Variants in DPH6 observed in about 807,000 individuals in gnomAD.
DPH6 encodes the protein diphthamine biosynthesis 6.
Under a neutral mutation model 38.2 loss-of-function variants are expected in DPH6, and 33 were observed. That is an observed-to-expected ratio of 0.86 (90% CI 0.65 to 1.15). The LOEUF (loss-of-function observed/expected upper bound fraction) is 1.15, where lower values mean the gene tolerates loss of function less well. Among genes scored for constraint, DPH6 ranks in the 50% most tolerant of loss-of-function variants. The pLI, the probability that DPH6 is intolerant of heterozygous loss-of-function variation, is 0.00. For missense variants in DPH6, 325 were observed against 320.0 expected (o/e 1.02, Z -0.12); for synonymous variants, 108 against 103.0 (o/e 1.05, Z -0.30).
chr15:35,544,827 T>G (rs554989955), intron 1 of DPH6, among the ~76,000 whole-genome samples: 1 of 152,210 alleles, frequency 6.6e-6, no homozygotes, highest in East Asian at 1.9e-4. Flanking sequence ...TTCTAAGTCT[T>G]TGTTTGTTGT....
downstream of DPH6, among the ~76,000 whole-genome samples, chr15:35,216,611 G>A (rs1191819015): frequency 6.6e-6 from 1 of 152,092 alleles, no homozygotes; most frequent in African/African-American, 2.4e-5. Context: ...ACTAATTATG[G>A]TCATTTACTT....
At chr15:35,412,044 G>C (rs1469807490) in intron 5 of DPH6, among the ~76,000 whole-genome samples, 1 of 151,584 alleles carries the variant, frequency 6.6e-6, no homozygotes, top group African/African-American at 2.4e-5. Flanking sequence ...CTCTGTGAAA[G>C]ATAATGTAAA....
the DPH6 span, among the ~76,000 whole-genome samples, chr15:35,196,501 G>C: frequency 6.6e-6 from 1 of 152,104 alleles, no homozygotes; most frequent in Non-Finnish European, 1.5e-5. Context: ...AAGTATGCTG[G>C]GAGAAGAGAT....
At chr15:35,225,969 G>A (rs2051477867) in intron 3 of DPH6, among the ~76,000 whole-genome samples, 1 of 152,046 alleles carries the variant, frequency 6.6e-6, no homozygotes, top group African/African-American at 2.4e-5. Flanking sequence ...ATTTATTGCT[G>A]GGCATGGTGG....
At chr15:35,539,174 A>G (rs1184725276) in intron 2 of DPH6, among the ~76,000 whole-genome samples, 2 of 152,052 alleles carry the variant, frequency 1.3e-5, no homozygotes, top group Admixed American at 1.3e-4. Context: ...ATGAACTTAG[A>G]AATATACTGG....
intron 3 of DPH6, among the ~76,000 whole-genome samples, chr15:35,290,391 C>A (rs2051972443): frequency 6.6e-6 from 1 of 152,210 alleles, no homozygotes; most frequent in Admixed American, 6.5e-5. Flanking sequence ...TGAACCAGGG[C>A]AGGCAGACAC....
intron 7 of DPH6, among the ~76,000 whole-genome samples, chr15:35,377,283 T>C (rs2052794140): frequency 6.6e-6 from 1 of 152,034 alleles, no homozygotes; most frequent in Non-Finnish European, 1.5e-5. Context: ...AGGATTTGGT[T>C]CTTCCTTTCT....
In DPH6 at chr15:35,456,270, TTGC is replaced by T. The variant is rs528446084; in HGVS notation, c.313-1453_313-1451del. On this transcript the variant is annotated intron_variant, in intron 3 of 8. Transcript: ENST00000256538. ...AATGTAAATACAGTATAGATCAGAG[TTGC>T]TGAATAATGTTATCAAAATTTTAGT... Among the ~76,000 whole-genome samples, 212 of 151,970 alleles carry T rather than the reference TTGC, an allele frequency of 1.4e-3. 1 individual carries two copies. Among genetic ancestry groups the T allele is most frequent in the African/African-American group, 4.7e-3 (194 of 41,472 alleles).
At chr15:35,328,169 A>T (rs1014115038), downstream of DPH6, among the ~76,000 whole-genome samples, 1 of 152,158 alleles carries the variant, frequency 6.6e-6, no homozygotes, top group Non-Finnish European at 1.5e-5. Flanking sequence ...AGAGTCTATC[A>T]TAGCCTCTAC....
At chr15:35,172,338 T>C in the DPH6 span, among the ~76,000 whole-genome samples, 2 of 152,232 alleles carry the variant, frequency 1.3e-5, no homozygotes, top group African/African-American at 4.8e-5. Context: ...GCAATCATTT[T>C]CTTACACTTA....
At chr15:35,180,187 C>T in the DPH6 span, among the ~76,000 whole-genome samples, 9 of 151,754 alleles carry the variant, frequency 5.9e-5, no homozygotes, top group African/African-American at 2.2e-4. Flanking sequence ...ATATACATTA[C>T]TATACTCTGA....
chr15:35,257,100 C>T (rs2051713638), intron 3 of DPH6, among the ~76,000 whole-genome samples: 1 of 152,094 alleles, frequency 6.6e-6, no homozygotes, highest in South Asian at 2.1e-4. Flanking sequence ...GCCATCAATA[C>T]TGGGCATTAT....
intron 3 of DPH6, among the ~76,000 whole-genome samples, chr15:35,308,062 A>G (rs1291272854): frequency 6.6e-6 from 1 of 152,120 alleles, no homozygotes; most frequent in East Asian, 1.9e-4. Context: ...GCTTGAGGCC[A>G]GGAGTTCAAA....
At chr15:35,432,109 C>A (rs568084656) in intron 5 of DPH6, among the ~76,000 whole-genome samples, 1 of 152,056 alleles carries the variant, frequency 6.6e-6, no homozygotes, top group African/African-American at 2.4e-5. Context: ...TGGTAGAGAA[C>A]CACTGATGTA....
At chr15:35,336,915 G>GT (rs1338339978) in intron 3 of DPH6, among the ~76,000 whole-genome samples, 1 of 151,886 alleles carries the variant, frequency 6.6e-6, no homozygotes, top group Non-Finnish European at 1.5e-5. Context: ...CTCTTTTTTG[G>GT]TTGTGTCTCT....
At chr15:35,220,424 A>T (rs1042506659) in exon 4 of DPH6, 1 of 152,154 alleles carries the variant, frequency 6.6e-6, no homozygotes, top group Non-Finnish European at 1.5e-5. Context: ...AACAGAAATG[A>T]ATTGGCTCAT....
At chr15:35,469,355 C>T (rs1249223638) in intron 3 of DPH6, among the ~76,000 whole-genome samples, 1 of 152,030 alleles carries the variant, frequency 6.6e-6, no homozygotes, top group African/African-American at 2.4e-5. Flanking sequence ...GCTGAACTCA[C>T]ATTTTTAAAA....
At chr15:35,433,812 A>T (rs115630668) in intron 5 of DPH6, among the ~76,000 whole-genome samples, 424 of 152,282 alleles carry the variant, frequency 2.8e-3, no homozygotes, top group African/African-American at 9.8e-3. Context: ...ATTAGTCTGG[A>T]GTGCAGTTTG....
intron 6 of DPH6, among the ~76,000 whole-genome samples, chr15:35,409,015 C>T (rs1045942229): frequency 6.6e-6 from 1 of 151,678 alleles, no homozygotes; most frequent in Non-Finnish European, 1.5e-5. Context: ...ACAAAGAGAG[C>T]GAGAATAAAG....
Sources: gnomAD v4.1 joint callset for allele counts (sites outside exome capture counted in the v4.1 genomes callset) on GRCh38, gnomAD v4.1.1 for gene constraint, MANE v1.5 for transcripts, NCBI Gene and HGNC (gene_info 2026-07-23, HGNC 2026-07-21) for gene names.